Variants in ANK2 observed in about 807,000 individuals in gnomAD.
ANK2 encodes the protein ankyrin 2.
Under a neutral mutation model 360.5 loss-of-function variants are expected in ANK2, and 83 were observed. That is an observed-to-expected ratio of 0.23 (90% CI 0.19 to 0.28). The LOEUF (loss-of-function observed/expected upper bound fraction) is 0.28, where lower values mean the gene tolerates loss of function less well. Ranked by LOEUF, ANK2 falls within the 10% of genes least tolerant of loss-of-function variation. The probability of loss-of-function intolerance (pLI) is 1.00; values close to 1 mark genes in which losing one functional copy is unlikely to be tolerated. For missense variants in ANK2, 4,201 were observed against 4,795.7 expected (o/e 0.88, Z 3.66); for synonymous variants, 1,740 against 1,759.5 (o/e 0.99, Z 0.28).
At chr4:113,207,686 C>CAAAAAAAAAAAAA (rs34818513) in intron 4 of ANK2, among the ~76,000 whole-genome samples, 1 of 101,654 alleles carries the variant, frequency 9.8e-6, no homozygotes. Context: ...GATCACAAAG[C>CAAAAAAAAAAAAA]AAAAAAAAAA....
Position 113,354,690 on chromosome 4 carries a change from A to G in ANK2, c.6072A>G (p.Lys2024=). The stretch of plus-strand genomic sequence containing the variant: ...CAAAACAAAAGCAGCCACAAGAGAA[A>G]GGTAAAGTTCGGGTAGAAAAAGAAA... ...KSAKQKQPQE[K]GKVRVEKEKG... is the part of the protein sequence containing the mutation. Residue 2024 remains lysine (K), a synonymous_variant, in exon 38 of 46, where the codon AAA becomes AAG. Coordinates refer to ENST00000357077, the MANE Select transcript of ANK2 (RefSeq NM_001148.6). 2 of 1,614,142 alleles carry G rather than the reference A, an allele frequency of 1.2e-6. No homozygotes were observed. Among genetic ancestry groups the G allele is most frequent in the Non-Finnish European group, 1.7e-6 (2 of 1,180,004 alleles).
At chr4:112,752,819 C>T in the ANK2 span, among the ~76,000 whole-genome samples, 6 of 152,068 alleles carry the variant, frequency 3.9e-5, no homozygotes, top group Non-Finnish European at 7.4e-5. Flanking sequence ...GCATGCGCCA[C>T]GATACCTGGC....
intron 1 of ANK2, among the ~76,000 whole-genome samples, chr4:113,157,405 A>AT (rs879533189): frequency 6.2e-4 from 95 of 152,294 alleles, no homozygotes; most frequent in Admixed American, 1.4e-3. Flanking sequence ...GCTTAAAAAA[A>AT]TTTTTTTCTT....
chr4:113,251,688 T>C (rs2046512583), intron 10 of ANK2, among the ~76,000 whole-genome samples: 1 of 151,882 alleles, frequency 6.6e-6, no homozygotes, highest in South Asian at 2.1e-4. Flanking sequence ...TTCACCGTGT[T>C]AGCCAGGATG....
chr4:112,990,523 A>G (rs1363103932), intron 2 of ANK2, among the ~76,000 whole-genome samples: 2 of 152,096 alleles, frequency 1.3e-5, no homozygotes, highest in Non-Finnish European at 2.9e-5. Context: ...ATCTGAGAGT[A>G]ACATATCTAT....
At chr4:113,210,966 A>C (rs574427968) in intron 4 of ANK2, among the ~76,000 whole-genome samples, 12 of 152,234 alleles carry the variant, frequency 7.9e-5, no homozygotes, top group Non-Finnish European at 1.6e-4. Flanking sequence ...CTAAATTTGC[A>C]TTCAAATAAA....
chr4:112,882,533 G>C (rs964345899), intron 1 of ANK2, among the ~76,000 whole-genome samples: 6 of 152,082 alleles, frequency 3.9e-5, no homozygotes, highest in Non-Finnish European at 7.4e-5. Flanking sequence ...ATCTGGGGGT[G>C]GGAATGTGCC....
At chr4:113,114,188 C>G (rs1005374036) in intron 1 of ANK2, among the ~76,000 whole-genome samples, 27 of 152,158 alleles carry the variant, frequency 1.8e-4, no homozygotes, top group African/African-American at 6.3e-4. Context: ...GAGTGGGTTC[C>G]TTTTCCGAGG....
chr4:112,822,399 CAGAG>C, intron 1 of ANK2, among the ~76,000 whole-genome samples: 1 of 145,528 alleles, frequency 6.9e-6, no homozygotes, highest in African/African-American at 2.6e-5. Context: ...GCCTGGGCGA[CAGAG>C]CGAGATTCCG....
chr4:113,240,917 C>T (rs1050794835), intron 8 of ANK2, among the ~76,000 whole-genome samples: 5 of 152,108 alleles, frequency 3.3e-5, no homozygotes, highest in East Asian at 1.9e-4. Flanking sequence ...AAAATGTTAA[C>T]TATAAAATAT....
intron 1 of ANK2, among the ~76,000 whole-genome samples, chr4:112,848,008 T>C (rs1019695778): frequency 2.0e-5 from 3 of 152,318 alleles, no homozygotes; most frequent in Middle Eastern, 6.8e-3. Flanking sequence ...CCATCATTCA[T>C]TGAGCACAGA....
At chr4:113,325,435 T>C (rs1170977593) in intron 26 of ANK2, among the ~76,000 whole-genome samples, 1 of 152,162 alleles carries the variant, frequency 6.6e-6, no homozygotes, top group Non-Finnish European at 1.5e-5. Context: ...TCCCATTTTA[T>C]GGATAAGAAA....
rs1408236689 is a variant in ANK2 at position 113,367,502 on chromosome 4, C to A, written c.11033-64C>A. ...TTTTTTTATCCTCTTATATTTATTA[C>A]TTAATAAATATCCATTCAATATAGG... is the stretch of plus-strand genomic sequence containing the variant. On this transcript the variant is annotated intron_variant, in intron 41 of 45. Coordinates refer to ENST00000357077, the MANE Select transcript of ANK2 (RefSeq NM_001148.6). 2.1e-5 allele frequency: 30 copies of A among 1,408,578 alleles called. No individual in the cohort carries two copies. In the East Asian group the frequency reaches 5.6e-4, roughly 26 times the overall value. The allele number at this position is 1,408,578 out of a possible 1,614,324, so 87.3% of individuals were successfully genotyped here.
At chr4:112,822,754 A>AT (rs1420039354) in intron 1 of ANK2, among the ~76,000 whole-genome samples, 1 of 151,946 alleles carries the variant, frequency 6.6e-6, no homozygotes, top group Admixed American at 6.6e-5. Context: ...CAAAAAAAAA[A>AT]ACCTGAAATA....
chr4:112,926,536 GGAGTGCTA>G (rs2092582377), intron 2 of ANK2, among the ~76,000 whole-genome samples: 1 of 152,168 alleles, frequency 6.6e-6, no homozygotes, highest in Admixed American at 6.5e-5. Context: ...TCTGTTCACT[GGAGTGCTA>G]GGTGTTGTCT....
chr4:113,060,777 T>C (rs935466168), intron 1 of ANK2, among the ~76,000 whole-genome samples: 3 of 151,320 alleles, frequency 2.0e-5, no homozygotes, highest in Non-Finnish European at 2.9e-5. Context: ...CTAAGATTAT[T>C]AGATGCTTTC....
At chr4:113,225,214 T>C (rs1265562971) in intron 4 of ANK2, among the ~76,000 whole-genome samples, 1 of 152,194 alleles carries the variant, frequency 6.6e-6, no homozygotes, top group Non-Finnish European at 1.5e-5. Context: ...ATATACCTTC[T>C]TCACGGAGTT....
intron 2 of ANK2, among the ~76,000 whole-genome samples, chr4:112,924,806 T>G (rs1235336881): frequency 6.6e-6 from 1 of 151,706 alleles, no homozygotes. Flanking sequence ...ATACTTTAAT[T>G]TCAAATTTTT....
At chr4:112,887,783 T>C (rs920482016) in intron 1 of ANK2, among the ~76,000 whole-genome samples, 4 of 152,060 alleles carry the variant, frequency 2.6e-5, no homozygotes, top group African/African-American at 9.7e-5. Flanking sequence ...GAATATTAAA[T>C]ATAAATTTAT....
Sources: allele counts gnomAD v4.1 joint callset (sites outside exome capture counted in the v4.1 genomes callset), GRCh38; gene constraint gnomAD v4.1.1; transcripts MANE v1.5; gene names NCBI Gene and HGNC (gene_info 2026-07-23, HGNC 2026-07-21).